RBFOX1: variants seen among roughly 807,000 people sequenced by gnomAD.
RBFOX1 encodes RNA binding fox-1 homolog 1.
A neutral mutation model predicts 57.7 loss-of-function variants in RBFOX1; 8 were observed. The ratio of observed to expected loss-of-function variants is 0.14; its 90% CI spans 0.08 to 0.25. The LOEUF is 0.25. Ranked by LOEUF, RBFOX1 falls within the 10% of genes least tolerant of loss-of-function variation. The pLI is 1.00. For missense variants in RBFOX1, 611 were observed against 548.5 expected (o/e 1.11, Z -1.14); for synonymous variants, 326 against 222.4 (o/e 1.47, Z -4.15).
intron 4 of RBFOX1, among the ~76,000 whole-genome samples, chr16:7,389,481 T>G (rs1198030372): frequency 6.6e-6 from 1 of 152,204 alleles, no homozygotes; most frequent in African/African-American, 2.4e-5. Context: ...CCCTGAAGCC[T>G]GATTCTTGAT....
At chr16:6,444,698 C>T (rs973634412) in intron 2 of RBFOX1, among the ~76,000 whole-genome samples, 7 of 151,518 alleles carry the variant, frequency 4.6e-5, no homozygotes, top group African/African-American at 1.7e-4. Flanking sequence ...ATACAAGGCA[C>T]AATAAGAAGA....
At chr16:6,210,351 A>AC (rs1567684294) in intron 1 of RBFOX1, among the ~76,000 whole-genome samples, 2 of 75,782 alleles carry the variant, frequency 2.6e-5, no homozygotes, top group Non-Finnish European at 4.7e-5. Flanking sequence ...AAAACAAAAA[A>AC]AAAAAACACC....
At chr16:7,027,137 T>G (rs975255616) in intron 3 of RBFOX1, among the ~76,000 whole-genome samples, 1 of 152,148 alleles carries the variant, frequency 6.6e-6, no homozygotes. Context: ...CTTAGAGTGC[T>G]AAGAACAGTC....
At chr16:7,206,566 A>G (rs1414662746) in intron 4 of RBFOX1, among the ~76,000 whole-genome samples, 1 of 152,042 alleles carries the variant, frequency 6.6e-6, no homozygotes, top group Non-Finnish European at 1.5e-5. Context: ...TCCCTCTGCC[A>G]ATCATATGGG....
At chr16:6,712,065 C>T (rs13380654) in intron 3 of RBFOX1, among the ~76,000 whole-genome samples, 8,861 of 152,230 alleles carry the variant, frequency 0.058, 314 homozygotes, top group African/African-American at 0.083. Context: ...AAAGATATTT[C>T]TGTGTGGTGT....
intron 4 of RBFOX1, among the ~76,000 whole-genome samples, chr16:7,233,296 C>T (rs2093605323): frequency 6.6e-6 from 1 of 151,562 alleles, no homozygotes; most frequent in African/African-American, 2.4e-5. Context: ...AAAGTCACCT[C>T]TTCAAAGACC....
chr16:6,768,426 T>G (rs757312552), intron 3 of RBFOX1, among the ~76,000 whole-genome samples: 8 of 152,028 alleles, frequency 5.3e-5, no homozygotes, highest in African/African-American at 1.9e-4. Flanking sequence ...ATCAAACATA[T>G]AAGAGTGCAG....
intron 2 of RBFOX1, among the ~76,000 whole-genome samples, chr16:6,652,780 T>C (rs77788456): frequency 0.016 from 2,390 of 152,150 alleles, 67 homozygotes; most frequent in African/African-American, 0.054. Context: ...TGAAGAGTTA[T>C]TGTTTAATGG....
chr16:7,275,604 AGATGGTAGGTTG>A (rs1411968509), intron 4 of RBFOX1, among the ~76,000 whole-genome samples: 1 of 151,914 alleles, frequency 6.6e-6, no homozygotes, highest in East Asian at 1.9e-4. Flanking sequence ...CTGCTAATTT[AGATGGTAGGTTG>A]GATTGAAATC....
chr16:6,393,927 GGAAA>G (rs1408657433), intron 2 of RBFOX1, among the ~76,000 whole-genome samples: 1 of 152,202 alleles, frequency 6.6e-6, no homozygotes, highest in Non-Finnish European at 1.5e-5. Context: ...CTCTCTGGAA[GGAAA>G]GAAGAAGAAA....
chr16:6,390,005 G>A (rs1435036908), intron 2 of RBFOX1, among the ~76,000 whole-genome samples: 4 of 152,182 alleles, frequency 2.6e-5, no homozygotes, highest in African/African-American at 9.7e-5. Flanking sequence ...GGGAAACTGT[G>A]TTTGGGCTAA....
At chr16:5,757,765 G>C (rs2053451692) in intron 3 of RBFOX1, among the ~76,000 whole-genome samples, 1 of 152,200 alleles carries the variant, frequency 6.6e-6, no homozygotes, top group South Asian at 2.1e-4. Context: ...GGCTTGAAAA[G>C]GTTAAGTAGA....
At chr16:7,639,566 T>C (rs1342077001) in intron 11 of RBFOX1, among the ~76,000 whole-genome samples, 1 of 152,174 alleles carries the variant, frequency 6.6e-6, no homozygotes, top group Non-Finnish European at 1.5e-5. Context: ...GCTTCTATTA[T>C]ACCTATATTC....
At chr16:7,497,570 A>G (rs1426528679) in intron 4 of RBFOX1, among the ~76,000 whole-genome samples, 1 of 152,172 alleles carries the variant, frequency 6.6e-6, no homozygotes, top group Non-Finnish European at 1.5e-5. Context: ...CTCTGAATGT[A>G]TTTTATATTA....
chr16:7,175,408 G>T (rs1166185043), intron 4 of RBFOX1, among the ~76,000 whole-genome samples: 3 of 152,114 alleles, frequency 2.0e-5, no homozygotes, highest in Non-Finnish European at 4.4e-5. Flanking sequence ...GTCAGCAAAG[G>T]CATGGGCAGG....
intron 4 of RBFOX1, among the ~76,000 whole-genome samples, chr16:7,240,542 G>GTTTGTTTGTTTGTT (rs973684306): frequency 2.0e-5 from 3 of 151,784 alleles, no homozygotes; most frequent in Non-Finnish European, 4.4e-5. Flanking sequence ...GGTGTTTTTT[G>GTTTGTTTGTTTGTT]TTTGTTTGTT....
chr16:5,528,169 A>T (rs117158889), intron 2 of RBFOX1, among the ~76,000 whole-genome samples: 1 of 152,056 alleles, frequency 6.6e-6, no homozygotes, highest in Admixed American at 6.6e-5. Context: ...TCTGGGTCCT[A>T]AGGTTCTGCT....
At chr16:5,612,183 C>T (rs900905486) in intron 3 of RBFOX1, among the ~76,000 whole-genome samples, 2 of 144,638 alleles carry the variant, frequency 1.4e-5, no homozygotes, top group Non-Finnish European at 3.0e-5. Flanking sequence ...ATTCTCCCAC[C>T]CATCCATTCA....
chr16:7,476,968 G>T (rs534551596), intron 4 of RBFOX1, among the ~76,000 whole-genome samples: 1 of 152,286 alleles, frequency 6.6e-6, no homozygotes, highest in South Asian at 2.1e-4. Flanking sequence ...TAGTGCAATT[G>T]CATTGGTGTG....
Sources: allele counts gnomAD v4.1 joint callset (sites outside exome capture counted in the v4.1 genomes callset), GRCh38; gene constraint gnomAD v4.1.1; transcripts MANE v1.5; gene names NCBI Gene and HGNC (gene_info 2026-07-23, HGNC 2026-07-21).